Variants in PXN observed in about 807,000 individuals in gnomAD.
PXN encodes testicular tissue protein Li 134.
In PXN, 61 loss-of-function variants were observed where a neutral mutation model predicts 103.6. That is an observed-to-expected ratio of 0.59 (90% CI 0.48 to 0.73). The LOEUF (loss-of-function observed/expected upper bound fraction) is 0.73, where lower values mean the gene tolerates loss of function less well. Ranked by LOEUF, PXN falls within the 30% of genes least tolerant of loss-of-function variation. The pLI is 0.00. For missense variants in PXN, 1,274 were observed against 1,460.3 expected, an observed-to-expected ratio of 0.87 and a Z score of 2.08; for synonymous variants, 562 against 607.8, an observed-to-expected ratio of 0.92 and a Z score of 1.11.
At chr12:120,259,328 G>A (rs1244444762) in intron 1 of PXN, among the ~76,000 whole-genome samples, 1 of 152,058 alleles carries the variant, frequency 6.6e-6, no homozygotes, top group Admixed American at 6.6e-5. Context: ...GGAGGCGGAG[G>A]TTGCAGTGAG....
rs1421068989 is a variant in PXN, at chr12:120,217,478, C to T, written c.1717-362G>A. ...CTTGGCTTACCGCACAGGGTTTGCA[C>T]AAGAATTATTCCAGAGGATGTAAGT... On this transcript the variant is annotated intron_variant, in intron 7 of 14. Coordinates refer to ENST00000637617, the MANE Select transcript of PXN (RefSeq NM_001385981.1). This position sits in a 1 kb window ranked among gnomAD's most constrained non-coding sequence, Gnocchi z 4.1. Among the ~76,000 whole-genome samples, 3 of 152,194 alleles carry T rather than the reference C, an allele frequency of 2.0e-5. No individual in the cohort carries two copies. The highest frequency in any genetic ancestry group is 4.4e-5 in the Non-Finnish European group (3 of 68,038).
rs1269220560 is a variant in PXN, at chr12:120,211,851, A to T, written c.*463T>A. 2.0e-6 allele frequency: 1 copy of T among 489,066 alleles called. No homozygotes were observed. The highest frequency in any genetic ancestry group is 4.1e-6 in the Non-Finnish European group (1 of 244,680). The allele number at this position is 489,066 out of a possible 1,614,324, so 30.3% of individuals were successfully genotyped here. ...ATGGATTTATGCTGGCATTGTCTGGAGGGAGCCGGGTGTCCCCCAATAATC... is the reference window on the plus strand; with the variant it reads ...ATGGATTTATGCTGGCATTGTCTGGTGGGAGCCGGGTGTCCCCCAATAATC... On this transcript the variant is annotated 3_prime_UTR_variant, in exon 15 of 15. Coordinates refer to ENST00000637617, the MANE Select transcript of PXN (RefSeq NM_001385981.1).
intron 1 of PXN, among the ~76,000 whole-genome samples, chr12:120,245,271 C>T (rs765601576): frequency 1.3e-5 from 2 of 151,964 alleles, no homozygotes; most frequent in African/African-American, 4.8e-5. Context: ...GGCTGTGTAG[C>T]CCAGAGAGAC....
Position 120,230,724 on chromosome 12 carries a change from TC to T in PXN, c.14-6348del, listed in dbSNP as rs1192589725. ...CTAATCCGCAGCGGGGTGCTTTCAC[TC>T]GGTGAGTAAGTCCCCAGGAATGGTG... On this transcript the variant is annotated intron_variant, in intron 1 of 14. Coordinates refer to ENST00000637617, the MANE Select transcript of PXN (RefSeq NM_001385981.1). Among the ~76,000 whole-genome samples the T allele has an allele frequency of 4.1e-5, 6 of 147,390 alleles. No homozygotes were observed. In the East Asian group the frequency reaches 1.0e-3, roughly 25 times the overall value.
chr12:120,219,811 G>C lies in PXN; in HGVS notation c.1112C>G (p.Ser371Cys). ...FNSRSPSVEGSLWAVGTESQG... is the reference protein window; with the variant it reads ...FNSRSPSVEGCLWAVGTESQG... ...ACTCTCTGTGCCCACTGCCCACAGA[G>C]AACCCTCCACAGAGGGAGACCTTGA... Residue 371 changes from serine to cysteine, a missense_variant, in exon 7 of 15, where the codon TCT becomes TGT. Transcript: ENST00000637617. This position sits in a 1 kb window ranked among gnomAD's most constrained non-coding sequence, Gnocchi z 6.5. The C allele has an allele frequency of 1.3e-6, 2 of 1,598,406 alleles. No homozygotes were observed. Among genetic ancestry groups the C allele is most frequent in the Non-Finnish European group, 1.7e-6 (2 of 1,179,788 alleles).
At position 120,216,801 on chromosome 12, in the gene PXN, G is replaced by C; in HGVS notation, c.1992+40C>G. 1 of 1,568,982 alleles carries C rather than the reference G, an allele frequency of 6.4e-7. No homozygotes were observed. The highest frequency in any genetic ancestry group is 2.0e-5 in the Admixed American group (1 of 50,314). On this transcript the variant is annotated intron_variant, in intron 8 of 14. Transcript: ENST00000637617. The surrounding 1 kb of genome is among the most constrained non-coding windows in gnomAD (Gnocchi z 5.1). The stretch of plus-strand genomic sequence containing the variant: ...GGAAGAACCCGGACCCCAGGTGCTT[G>C]GCTCTGGCCCAGCCCCAGCCATGGG...
At position 120,214,812 on chromosome 12, in the gene PXN, A is replaced by G; in HGVS notation, c.2748+13T>C. ...TGAGCGGAAGCGGGCGCGGTGCCGGATGAGGAACTCACATCCAGGATGGGG... is the reference window on the plus strand; with the variant it reads ...TGAGCGGAAGCGGGCGCGGTGCCGGGTGAGGAACTCACATCCAGGATGGGG... On this transcript the variant is annotated intron_variant, in intron 12 of 14. Coordinates refer to ENST00000637617, the MANE Select transcript of PXN (RefSeq NM_001385981.1). This position sits in a 1 kb window ranked among gnomAD's most constrained non-coding sequence, Gnocchi z 5.0. 6 of 1,613,524 alleles carry G rather than the reference A, an allele frequency of 3.7e-6. No homozygotes were observed. The highest frequency in any genetic ancestry group is 5.1e-6 in the Non-Finnish European group (6 of 1,179,492).
chr12:120,244,648 G>C (rs1250613392), intron 1 of PXN, among the ~76,000 whole-genome samples: 1 of 143,722 alleles, frequency 7.0e-6, no homozygotes, highest in Non-Finnish European at 1.5e-5. Flanking sequence ...ACTCCGTCTC[G>C]GAAAAAAAAA....
At chr12:120,246,619 C>G (rs1429281410) in intron 1 of PXN, among the ~76,000 whole-genome samples, 2 of 151,630 alleles carry the variant, frequency 1.3e-5, no homozygotes, top group East Asian at 3.9e-4. Flanking sequence ...CTTTGGGAGG[C>G]TGAGGCAGGC....
intron 1 of PXN, chr12:120,226,970 C>G: frequency 1.0e-6 from 1 of 988,576 alleles, no homozygotes. Flanking sequence ...TTGGAAGCTA[C>G]AAACATCAGA....
chr12:120,246,003 G>A (rs1015831354), intron 1 of PXN, among the ~76,000 whole-genome samples: 13 of 152,216 alleles, frequency 8.5e-5, no homozygotes, highest in African/African-American at 2.9e-4. Flanking sequence ...AAACCACAGA[G>A]TGACCACTAA....
At chr12:120,226,444 A>G in intron 1 of PXN, 1 of 1,288,720 alleles carries the variant, frequency 7.8e-7, no homozygotes, top group Non-Finnish European at 1.0e-6. Context: ...CCAAGGCTGG[A>G]TGAAGTGACA....
chr12:120,252,941 T>C (rs1422696977), intron 1 of PXN, among the ~76,000 whole-genome samples: 2 of 146,950 alleles, frequency 1.4e-5, no homozygotes, highest in Non-Finnish European at 1.5e-5. Context: ...GAGGTTGCAG[T>C]TGAGCCGAGA....
chr12:120,254,843 C>T (rs1006343581), intron 1 of PXN, among the ~76,000 whole-genome samples: 3 of 152,164 alleles, frequency 2.0e-5, no homozygotes, highest in African/African-American at 7.2e-5. Context: ...GCCACAATGC[C>T]CGGCCTAAGG....
At position 120,214,570 on chromosome 12, in the gene PXN, C is replaced by T. The variant is rs547063776; in HGVS notation, c.2748+255G>A. ...TGGCATCCAACTCCATTTATCTCCT[C>T]AGGGCTCCTGAGTCCTGGGAGTCTC... On this transcript the variant is annotated intron_variant, in intron 12 of 14. Transcript: ENST00000637617. This position sits in a 1 kb window ranked among gnomAD's most constrained non-coding sequence, Gnocchi z 5.0. Among the ~76,000 whole-genome samples, 1 of 152,320 alleles carries T rather than the reference C, an allele frequency of 6.6e-6. No individual in the cohort carries two copies. The highest frequency in any genetic ancestry group is 6.5e-5 in the Admixed American group (1 of 15,306).
intron 1 of PXN, among the ~76,000 whole-genome samples, chr12:120,242,364 T>C (rs1890301496): frequency 6.6e-6 from 1 of 152,020 alleles, no homozygotes; most frequent in African/African-American, 2.4e-5. Flanking sequence ...GAAATTCAAA[T>C]AGAAAGCCAG....
chr12:120,242,401 G>GA (rs1890307548), intron 1 of PXN, among the ~76,000 whole-genome samples: 1 of 151,608 alleles, frequency 6.6e-6, no homozygotes, highest in Non-Finnish European at 1.5e-5. Flanking sequence ...CGTCCTCCAG[G>GA]AAAAAGAGGG....
At chr12:120,237,888 C>A (rs574730260) in intron 1 of PXN, among the ~76,000 whole-genome samples, 22 of 152,184 alleles carry the variant, frequency 1.4e-4, no homozygotes, top group Admixed American at 4.6e-4. Flanking sequence ...TCAGTCCCCC[C>A]ACCCCACTGA....
In PXN at chr12:120,216,052, T is replaced by C. The variant is rs1373137584; in HGVS notation, c.2301+221A>G. On this transcript the variant is annotated intron_variant, in intron 9 of 14. Transcript: ENST00000637617. The surrounding 1 kb of genome is among the most constrained non-coding windows in gnomAD (Gnocchi z 5.1). The stretch of plus-strand genomic sequence containing the variant: ...GGACCAGTCGAGGAAGGAGCAGACA[T>C]GGGTGGACCCACAGAAAAGCAAGAG... The C allele has an allele frequency of 4.6e-6, 6 of 1,317,760 alleles. No homozygotes were observed. In the Admixed American group the frequency reaches 1.0e-4, roughly 23 times the overall value. 81.6% of individuals were successfully genotyped at this position (1,317,760 alleles called of 1,614,324 possible).
Sources: allele counts gnomAD v4.1 joint callset (sites outside exome capture counted in the v4.1 genomes callset), GRCh38; gene constraint gnomAD v4.1.1; non-coding constraint Gnocchi (gnomAD v3.1); transcripts MANE v1.5; gene names NCBI Gene and HGNC (gene_info 2026-07-23, HGNC 2026-07-21).